ITPR2: variants seen among roughly 807,000 people sequenced by gnomAD.
ITPR2 encodes inositol 1,4,5-trisphosphate receptor type 2.
In ITPR2, 207 loss-of-function variants were observed where a neutral mutation model predicts 317.1. That is an observed-to-expected ratio of 0.65 (90% CI 0.58 to 0.73). The LOEUF is 0.73. Among genes scored for constraint, ITPR2 ranks in the 30% least tolerant of loss-of-function variants. The probability of loss-of-function intolerance (pLI) is 0.00; values close to 1 mark genes in which losing one functional copy is unlikely to be tolerated. For synonymous variants in ITPR2, 1,156 were observed against 1,149.1 expected (o/e 1.01, Z -0.12); for missense variants, 2,613 against 3,284.0 (o/e 0.80, Z 4.99).
At chr12:26,654,300 TG>T (rs1302231344) in intron 20 of ITPR2, among the ~76,000 whole-genome samples, 174 bp from the exon 21 acceptor site, 1 of 152,222 alleles carries the variant, frequency 6.6e-6, no homozygotes, top group African/African-American at 2.4e-5. Flanking sequence ...ACTTGAACTT[TG>T]ATTTATTCAA....
intron 37 of ITPR2, among the ~76,000 whole-genome samples, chr12:26,522,456 T>G (rs963131845): frequency 6.6e-6 from 1 of 152,196 alleles, no homozygotes; most frequent in African/African-American, 2.4e-5. Flanking sequence ...TTGGCCCAGT[T>G]TGTGGGTCAG....
intron 37 of ITPR2, among the ~76,000 whole-genome samples, chr12:26,519,181 G>A (rs1591851030): frequency 2.0e-5 from 3 of 152,044 alleles, no homozygotes; most frequent in East Asian, 3.8e-4. Flanking sequence ...TTCTTCCTAT[G>A]AAATAAATAA....
At chr12:26,541,069 AG>A (rs1344859732) in intron 37 of ITPR2, among the ~76,000 whole-genome samples, 1 of 149,470 alleles carries the variant, frequency 6.7e-6, no homozygotes, top group African/African-American at 2.5e-5. Flanking sequence ...GCACTTTGGG[AG>A]GCCGAGGCAG....
intron 22 of ITPR2, chr12:26,630,626 GATAGAAAA>G (rs1194812430): frequency 1.3e-5 from 2 of 152,146 alleles, no homozygotes; most frequent in African/African-American, 4.8e-5. Context: ...CAGACACAGG[GATAGAAAA>G]TCAGAGTGAA....
chr12:26,684,449 C>A (rs2136966364), intron 11 of ITPR2, among the ~76,000 whole-genome samples: 1 of 152,286 alleles, frequency 6.6e-6, no homozygotes, highest in African/African-American at 2.4e-5. Flanking sequence ...CCAACTCAGT[C>A]TCTAGTTCCT....
chr12:26,458,575 G>A (rs188434426), intron 45 of ITPR2, among the ~76,000 whole-genome samples: 1 of 152,088 alleles, frequency 6.6e-6, no homozygotes, highest in African/African-American at 2.4e-5. Context: ...ACACGAGGGC[G>A]TCATCAACGA....
At chr12:26,380,764 C>T (rs1471833634) in intron 55 of ITPR2, among the ~76,000 whole-genome samples, 1 of 152,150 alleles carries the variant, frequency 6.6e-6, no homozygotes, top group African/African-American at 2.4e-5. Context: ...GACTCGATGG[C>T]TTTCATGAGC....
rs1944707151 is a variant in ITPR2, at chr12:26,557,897, A to G, written c.4822-1522T>C. On this transcript the variant is annotated intron_variant, in intron 35 of 56. Transcript: ENST00000381340. ...AACTTCTTACATAAAGGAACAATTTATTCACCCATAGCTATGGCATATTTT... is the reference window on the plus strand; with the variant it reads ...AACTTCTTACATAAAGGAACAATTTGTTCACCCATAGCTATGGCATATTTT... Among the ~76,000 whole-genome samples, 3 of 152,310 alleles carry G rather than the reference A, an allele frequency of 2.0e-5. No individual in the cohort carries two copies. In the South Asian group the frequency reaches 6.2e-4, roughly 32 times the overall value.
intron 55 of ITPR2, among the ~76,000 whole-genome samples, chr12:26,350,864 A>G (rs1938457349): frequency 6.6e-6 from 1 of 152,176 alleles, no homozygotes; most frequent in South Asian, 2.1e-4. Flanking sequence ...AATCCAGCCA[A>G]CCATAAGCCT....
At chr12:26,489,166 T>A (rs1046595706) in intron 39 of ITPR2, among the ~76,000 whole-genome samples, 4 of 152,198 alleles carry the variant, frequency 2.6e-5, no homozygotes, top group African/African-American at 9.7e-5. Context: ...ACAAGTAGCA[T>A]AAGTATTCCT....
Position 26,597,152 on chromosome 12 carries a change from G to C in ITPR2, c.4003-18C>G. 6.2e-7 allele frequency: 1 copy of C among 1,612,912 alleles called. No homozygotes were observed. Among genetic ancestry groups the C allele is most frequent in the African/African-American group, 1.3e-5 (1 of 75,008 alleles). ...TTTATCAACTGAAATGATAATAAGAGAGTCTATGTAGCAGTCCGAACATTC... is the reference window on the plus strand; with the variant it reads ...TTTATCAACTGAAATGATAATAAGACAGTCTATGTAGCAGTCCGAACATTC... On this transcript the variant is annotated intron_variant, in intron 30 of 56. Coordinates refer to ENST00000381340, the MANE Select transcript of ITPR2 (RefSeq NM_002223.4).
intron 35 of ITPR2, among the ~76,000 whole-genome samples, chr12:26,560,034 T>C (rs1261484310): frequency 6.6e-6 from 1 of 152,206 alleles, no homozygotes; most frequent in Non-Finnish European, 1.5e-5. Context: ...CCCATGGCTC[T>C]CTCTTTAGCA....
intron 5 of ITPR2, 84 bp from the exon 6 acceptor site, chr12:26,716,326 TC>T: frequency 8.9e-6 from 7 of 782,284 alleles, no homozygotes; most frequent in Non-Finnish European, 1.5e-5. Context: ...TGCACAGGAG[TC>T]CCCATTATTG....
chr12:26,690,877 T>C (rs975815535), intron 10 of ITPR2, among the ~76,000 whole-genome samples: 4 of 152,238 alleles, frequency 2.6e-5, no homozygotes, highest in African/African-American at 9.6e-5. Context: ...TTTAATTACA[T>C]AGGATAAGTA....
At chr12:26,635,419 CTTG>C (rs534209824) in intron 21 of ITPR2, among the ~76,000 whole-genome samples, 5 of 152,004 alleles carry the variant, frequency 3.3e-5, no homozygotes, top group African/African-American at 4.8e-5. Context: ...TTTGAATTTT[CTTG>C]TTGTTTAGAT....
intron 34 of ITPR2, among the ~76,000 whole-genome samples, chr12:26,568,953 G>A (rs984971951): frequency 9.2e-5 from 14 of 152,218 alleles, no homozygotes; most frequent in East Asian, 3.9e-4. Context: ...AATAATGCAC[G>A]TAATTTTTAT....
intron 37 of ITPR2, among the ~76,000 whole-genome samples, chr12:26,538,826 C>T (rs1204004862): frequency 3.9e-5 from 6 of 152,152 alleles, no homozygotes; most frequent in African/African-American, 1.4e-4. Context: ...CCGCCTGCCT[C>T]CACCTCCCAA....
chr12:26,711,119 T>C (rs1948635709), intron 9 of ITPR2, 54 bp downstream of exon 9: 4 of 1,257,916 alleles, frequency 3.2e-6, no homozygotes, highest in African/African-American at 2.9e-5. Flanking sequence ...CCCAACTGCC[T>C]CTTTCACTAA....
intron 4 of ITPR2, among the ~76,000 whole-genome samples, chr12:26,723,746 C>A (rs1948874503): frequency 6.6e-6 from 1 of 152,134 alleles, no homozygotes; most frequent in African/African-American, 2.4e-5. Flanking sequence ...CTCATTGTAG[C>A]ATTTACTGTA....
Sources: allele counts gnomAD v4.1 joint callset (sites outside exome capture counted in the v4.1 genomes callset), GRCh38; gene constraint gnomAD v4.1.1; transcripts MANE v1.5; gene names NCBI Gene and HGNC (gene_info 2026-07-23, HGNC 2026-07-21).